STK32B: variants seen among roughly 807,000 people sequenced by gnomAD.
STK32B encodes serine/threonine-protein kinase 32B.
STK32B carries 43 observed loss-of-function variants against 52.6 expected under a neutral mutation model. The ratio of observed to expected loss-of-function variants is 0.82; its 90% CI spans 0.64 to 1.05. STK32B has a LOEUF of 1.05. Ranked by LOEUF, STK32B falls within the 50% of genes least tolerant of loss-of-function variation. The pLI is 0.00. For synonymous variants in STK32B, 238 were observed against 204.3 expected (o/e 1.17, Z -1.41); for missense variants, 621 against 534.6 (o/e 1.16, Z -1.59).
At chr4:5,358,617 A>G (rs1004254966) in intron 4 of STK32B, among the ~76,000 whole-genome samples, 1 of 152,132 alleles carries the variant, frequency 6.6e-6, no homozygotes, top group African/African-American at 2.4e-5. Flanking sequence ...ATCCTTGTGG[A>G]AGGAGATCAT....
chr4:5,387,627 A>T (rs958256509), intron 4 of STK32B, among the ~76,000 whole-genome samples: 4 of 152,204 alleles, frequency 2.6e-5, no homozygotes, highest in African/African-American at 9.6e-5. Context: ...TGAAGCATGC[A>T]CAGGTCGGTC....
At chr4:5,304,335 C>T (rs181421803) in intron 3 of STK32B, among the ~76,000 whole-genome samples, 211 of 151,828 alleles carry the variant, frequency 1.4e-3, no homozygotes, top group African/African-American at 4.7e-3. Context: ...CCATCTGTGT[C>T]ATCTATGATT....
At chr4:5,205,595 T>A in intron 3 of STK32B, among the ~76,000 whole-genome samples, 2 of 152,246 alleles carry the variant, frequency 1.3e-5, no homozygotes, top group Middle Eastern at 6.8e-3. Context: ...CGGTTTTCCA[T>A]CTTGGTTGAG....
chr4:5,195,175 A>G (rs1242093379), intron 3 of STK32B, among the ~76,000 whole-genome samples: 3 of 152,158 alleles, frequency 2.0e-5, no homozygotes, highest in Non-Finnish European at 4.4e-5. Context: ...CCTGGGCTCA[A>G]GCAGTCCTCC....
chr4:5,055,771 C>T (rs1741980601), intron 1 of STK32B, among the ~76,000 whole-genome samples: 1 of 152,164 alleles, frequency 6.6e-6, no homozygotes, highest in African/African-American at 2.4e-5. Context: ...AGCCCACTCT[C>T]ACTTCCTTCG....
intron 1 of STK32B, among the ~76,000 whole-genome samples, chr4:5,121,064 A>C (rs1359170304): frequency 1.3e-5 from 2 of 152,064 alleles, no homozygotes; most frequent in Non-Finnish European, 2.9e-5. Flanking sequence ...CATTTACCCA[A>C]TATCTAGTCT....
At chr4:5,278,831 T>C (rs1302130782) in intron 3 of STK32B, among the ~76,000 whole-genome samples, 3 of 152,050 alleles carry the variant, frequency 2.0e-5, no homozygotes, top group Non-Finnish European at 4.4e-5. Flanking sequence ...GCAGGAACAA[T>C]CTTCACATGG....
chr4:5,482,752 A>G (rs554927563), intron 11 of STK32B, among the ~76,000 whole-genome samples: 2 of 152,218 alleles, frequency 1.3e-5, no homozygotes, highest in African/African-American at 4.8e-5. Flanking sequence ...TTATTTTGAG[A>G]TATGTCCCAT....
intron 4 of STK32B, among the ~76,000 whole-genome samples, chr4:5,334,036 G>A (rs1470901001): frequency 6.6e-6 from 1 of 152,070 alleles, no homozygotes. Context: ...AGCTTGATGG[G>A]GATGGCATAG....
chr4:5,362,580 T>G (rs1016855050), intron 4 of STK32B, among the ~76,000 whole-genome samples: 1 of 152,188 alleles, frequency 6.6e-6, no homozygotes, highest in Admixed American at 6.5e-5. Context: ...GCCCTGAGAT[T>G]AGCAGCAGCC....
intron 1 of STK32B, among the ~76,000 whole-genome samples, chr4:5,075,800 A>T (rs946660479): frequency 6.6e-6 from 1 of 152,088 alleles, no homozygotes; most frequent in African/African-American, 2.4e-5. Flanking sequence ...CCACTTAACA[A>T]TGTCATATAA....
intron 3 of STK32B, among the ~76,000 whole-genome samples, chr4:5,210,248 TCTC>T (rs1347402109): frequency 1.1e-4 from 17 of 151,678 alleles, no homozygotes; most frequent in South Asian, 2.1e-4. Flanking sequence ...TTCTTCTTCT[TCTC>T]CTCCTCCTCC....
chr4:5,190,362 G>A (rs1270878693), intron 3 of STK32B, among the ~76,000 whole-genome samples: 1 of 152,150 alleles, frequency 6.6e-6, no homozygotes, highest in East Asian at 1.9e-4. Flanking sequence ...CCCCTGTTAG[G>A]CTGGAACTTT....
At chr4:5,316,050 G>A (rs1221483653) in intron 3 of STK32B, among the ~76,000 whole-genome samples, 1 of 137,816 alleles carries the variant, frequency 7.3e-6, no homozygotes, top group Non-Finnish European at 1.5e-5. Flanking sequence ...AAGGCAAAAT[G>A]TAATGTCTGT....
intron 3 of STK32B, among the ~76,000 whole-genome samples, chr4:5,168,769 TCA>T (rs1323177412): frequency 6.6e-6 from 1 of 152,088 alleles, no homozygotes; most frequent in Non-Finnish European, 1.5e-5. Flanking sequence ...AGTGGGGAGC[TCA>T]GTGTTTCAGA....
At chr4:5,304,877 G>A (rs28818586) in intron 3 of STK32B, among the ~76,000 whole-genome samples, 1 of 151,828 alleles carries the variant, frequency 6.6e-6, no homozygotes, top group Non-Finnish European at 1.5e-5. Flanking sequence ...TGCTGATTTT[G>A]TTGAGGTTTT....
intron 4 of STK32B, among the ~76,000 whole-genome samples, chr4:5,347,362 T>C (rs1374307002): frequency 6.6e-6 from 1 of 152,200 alleles, no homozygotes; most frequent in Admixed American, 6.5e-5. Context: ...AACATAAACA[T>C]GATCTCCCCA....
intron 11 of STK32B, among the ~76,000 whole-genome samples, chr4:5,493,222 C>G (rs1189973309): frequency 2.0e-5 from 3 of 151,832 alleles, no homozygotes; most frequent in African/African-American, 4.8e-5. Flanking sequence ...ACTCTTTTTT[C>G]TTGGTAAGCT....
chr4:5,242,643 G>A (rs1262944841), intron 3 of STK32B, among the ~76,000 whole-genome samples: 3 of 152,248 alleles, frequency 2.0e-5, no homozygotes, highest in Middle Eastern at 3.4e-3. Flanking sequence ...TAGACATGAC[G>A]TCCTTGCCCA....
Sources: allele counts gnomAD v4.1 joint callset (sites outside exome capture counted in the v4.1 genomes callset), GRCh38; gene constraint gnomAD v4.1.1; transcripts MANE v1.5; gene names NCBI Gene and HGNC (gene_info 2026-07-23, HGNC 2026-07-21).